GPC6: variants seen among roughly 807,000 people sequenced by gnomAD.
The protein encoded by GPC6 is glypican-6.
GPC6 carries 14 observed loss-of-function variants against 55.2 expected under a neutral mutation model. The observed-to-expected ratio is 0.25, with a 90% CI of 0.17 to 0.40. The LOEUF (loss-of-function observed/expected upper bound fraction) is 0.40. Ranked by LOEUF, GPC6 falls within the 10% of genes least tolerant of loss-of-function variation. The pLI is 1.00. For missense variants in GPC6, 641 were observed against 708.5 expected, an observed-to-expected ratio of 0.90 and a Z score of 1.08; for synonymous variants, 278 against 259.6, an observed-to-expected ratio of 1.07 and a Z score of -0.68.
intron 2 of GPC6, among the ~76,000 whole-genome samples, chr13:93,565,544 T>C (rs774290407): frequency 1.3e-5 from 2 of 152,198 alleles, no homozygotes; most frequent in Non-Finnish European, 2.9e-5. Flanking sequence ...AGGACGTCAT[T>C]CCTCAATTGG....
At chr13:94,257,232 A>G (rs766855793) in intron 4 of GPC6, among the ~76,000 whole-genome samples, 1 of 152,208 alleles carries the variant, frequency 6.6e-6, no homozygotes, top group Non-Finnish European at 1.5e-5. Context: ...AACACATAAC[A>G]TGGGAGATCA....
intron 1 of GPC6, among the ~76,000 whole-genome samples, chr13:93,307,928 AT>A (rs2139103752): frequency 6.6e-6 from 1 of 152,318 alleles, no homozygotes; most frequent in East Asian, 1.9e-4. Flanking sequence ...CACTGTAAAT[AT>A]ATACAGATTT....
intron 4 of GPC6, among the ~76,000 whole-genome samples, chr13:94,276,209 G>T (rs947577073): frequency 6.6e-6 from 1 of 152,178 alleles, no homozygotes; most frequent in African/African-American, 2.4e-5. Flanking sequence ...GCCAAGAGTG[G>T]AGTCTGATTA....
At chr13:93,660,213 A>G (rs972986657) in intron 2 of GPC6, among the ~76,000 whole-genome samples, 2 of 152,168 alleles carry the variant, frequency 1.3e-5, no homozygotes, top group African/African-American at 2.4e-5. Context: ...CTCATTTCCA[A>G]GACAATTTAG....
At chr13:94,024,823 A>T (rs1401141900) in intron 3 of GPC6, among the ~76,000 whole-genome samples, 1 of 152,220 alleles carries the variant, frequency 6.6e-6, no homozygotes, top group African/African-American at 2.4e-5. Context: ...AAAAAGCAAC[A>T]ATTGAATGCT....
chr13:93,305,745 T>A (rs1265118912), intron 1 of GPC6, among the ~76,000 whole-genome samples: 1 of 152,196 alleles, frequency 6.6e-6, no homozygotes, highest in Non-Finnish European at 1.5e-5. Flanking sequence ...TTCCAACTTT[T>A]CAGATTGCAT....
intron 2 of GPC6, among the ~76,000 whole-genome samples, chr13:93,684,038 T>A (rs1349614618): frequency 6.6e-6 from 1 of 152,122 alleles, no homozygotes; most frequent in East Asian, 1.9e-4. Context: ...TCCATTCTCG[T>A]GACCTCATCT....
intron 3 of GPC6, among the ~76,000 whole-genome samples, chr13:93,839,079 G>A (rs993975187): frequency 6.6e-6 from 1 of 152,100 alleles, no homozygotes; most frequent in Non-Finnish European, 1.5e-5. Flanking sequence ...CTAATCAATA[G>A]CATCAACTGT....
intron 1 of GPC6, among the ~76,000 whole-genome samples, chr13:93,527,876 A>G (rs1045329627): frequency 2.9e-4 from 44 of 152,148 alleles, no homozygotes; most frequent in African/African-American, 1.0e-3. Flanking sequence ...GAGGGAGGCA[A>G]TTAAAGAAAT....
chr13:94,059,058 A>G (rs1566349544), intron 4 of GPC6, among the ~76,000 whole-genome samples: 1 of 152,172 alleles, frequency 6.6e-6, no homozygotes, highest in Non-Finnish European at 1.5e-5. Context: ...AACCAAAAAA[A>G]GAGCTTTACA....
intron 4 of GPC6, among the ~76,000 whole-genome samples, chr13:94,216,066 A>C (rs1034442536): frequency 3.3e-5 from 5 of 152,196 alleles, no homozygotes; most frequent in Non-Finnish European, 7.3e-5. Context: ...AAAAGGGTCA[A>C]ATCTTTTCCA....
At chr13:94,310,283 A>T (rs1017648448) in intron 6 of GPC6, among the ~76,000 whole-genome samples, 10 of 151,960 alleles carry the variant, frequency 6.6e-5, no homozygotes, top group South Asian at 2.1e-4. Context: ...AGTAAATTTA[A>T]AAAAAAAGCC....
rs1876515186 is a variant in GPC6, at chr13:94,316,196, G to A, written c.1152+10073G>A. 2.6e-5 allele frequency among the ~76,000 whole-genome samples: 4 copies of A among 152,216 alleles called. No individual in the cohort carries two copies. In the South Asian group the frequency reaches 8.3e-4, roughly 32 times the overall value. On this transcript the variant is annotated intron_variant, in intron 6 of 8. Transcript: ENST00000377047. ...TAAAAAAAAAAATTTAGAATCCTAGGAGAAATCTAAGTTCTTATTAGAGAG... is the reference window on the plus strand; with the variant it reads ...TAAAAAAAAAAATTTAGAATCCTAGAAGAAATCTAAGTTCTTATTAGAGAG...
chr13:93,850,981 T>G (rs2139011914), intron 3 of GPC6, among the ~76,000 whole-genome samples: 1 of 152,128 alleles, frequency 6.6e-6, no homozygotes, highest in East Asian at 1.9e-4. Flanking sequence ...AGCAGTTATT[T>G]TGAAAGTTGT....
chr13:93,688,895 A>G (rs1882151749), intron 2 of GPC6, among the ~76,000 whole-genome samples: 1 of 152,060 alleles, frequency 6.6e-6, no homozygotes, highest in African/African-American at 2.4e-5. Flanking sequence ...TGAATTGCAC[A>G]CTTACAAATG....
chr13:94,028,066 G>A (rs1882971402), intron 4 of GPC6, among the ~76,000 whole-genome samples, 172 bp downstream of exon 4: 1 of 152,008 alleles, frequency 6.6e-6, no homozygotes, highest in Non-Finnish European at 1.5e-5. Flanking sequence ...GGAGTTTGAG[G>A]CCAGCCTGGA....
chr13:94,119,052 A>G (rs1886533671), intron 4 of GPC6, among the ~76,000 whole-genome samples: 1 of 152,026 alleles, frequency 6.6e-6, no homozygotes, highest in Admixed American at 6.6e-5. Flanking sequence ...ATGTGTATAT[A>G]TATATACATT....
At chr13:93,562,991 A>G (rs1306576379) in intron 2 of GPC6, among the ~76,000 whole-genome samples, 1 of 152,188 alleles carries the variant, frequency 6.6e-6, no homozygotes, top group East Asian at 1.9e-4. Flanking sequence ...AAATCTAATT[A>G]CCTTGGAATG....
intron 1 of GPC6, among the ~76,000 whole-genome samples, chr13:93,275,429 G>C (rs937213935): frequency 6.6e-6 from 1 of 152,112 alleles, no homozygotes; most frequent in African/African-American, 2.4e-5. Flanking sequence ...TAGTAAAGAG[G>C]GATCTCAACA....
Sources: allele counts gnomAD v4.1 joint callset (sites outside exome capture counted in the v4.1 genomes callset), GRCh38; gene constraint gnomAD v4.1.1; transcripts MANE v1.5; gene names NCBI Gene and HGNC (gene_info 2026-07-23, HGNC 2026-07-21).